NAALADL2: variants seen among roughly 807,000 people sequenced by gnomAD.
NAALADL2 encodes N-acetylated alpha-linked acidic dipeptidase like 2.
NAALADL2 carries 76 observed loss-of-function variants against 87.2 expected under a neutral mutation model. That is an observed-to-expected ratio of 0.87 (90% confidence interval 0.72 to 1.05). The LOEUF (loss-of-function observed/expected upper bound fraction) is 1.05. Among genes scored for constraint, NAALADL2 ranks in the 50% least tolerant of loss-of-function variants. The pLI, the probability that NAALADL2 is intolerant of heterozygous loss-of-function variation, is 0.00. For missense variants in NAALADL2, 1,089 were observed against 945.8 expected (o/e 1.15, Z -1.99); for synonymous variants, 354 against 331.0 (o/e 1.07, Z -0.75).
chr3:174,833,475 C>T (rs1436389460), intron 3 of NAALADL2, among the ~76,000 whole-genome samples: 1 of 152,004 alleles, frequency 6.6e-6, no homozygotes, highest in Non-Finnish European at 1.5e-5. Context: ...TAGTATCATA[C>T]ATTTAAGGAT....
intron 3 of NAALADL2, among the ~76,000 whole-genome samples, chr3:174,804,850 T>C (rs1166273641): frequency 1.3e-5 from 2 of 152,204 alleles, no homozygotes; most frequent in East Asian, 1.9e-4. Flanking sequence ...TGTATTAATA[T>C]ATTTATTAGT....
intron 4 of NAALADL2, among the ~76,000 whole-genome samples, chr3:175,261,949 T>C (rs546182346): frequency 1.2e-4 from 18 of 152,038 alleles, no homozygotes; most frequent in African/African-American, 3.4e-4. Context: ...AAATGAGAGA[T>C]AGGAAATGAG....
At chr3:174,963,953 A>C (rs765024978) in intron 1 of NAALADL2, among the ~76,000 whole-genome samples, 3 of 152,106 alleles carry the variant, frequency 2.0e-5, no homozygotes, top group Non-Finnish European at 2.9e-5. Flanking sequence ...GAAGGTCAAA[A>C]TTATCATAAG....
chr3:174,882,475 A>ATGTATAGATATG (rs1729331094), intron 1 of NAALADL2, among the ~76,000 whole-genome samples: 1 of 150,960 alleles, frequency 6.6e-6, no homozygotes, highest in African/African-American at 2.4e-5. Flanking sequence ...ACATATGTGT[A>ATGTATAGATATG]TGCATACATA....
chr3:175,161,477 T>C (rs1403875543), intron 2 of NAALADL2, among the ~76,000 whole-genome samples: 1 of 152,132 alleles, frequency 6.6e-6, no homozygotes, highest in African/African-American at 2.4e-5. Context: ...AATAGCTCCA[T>C]GTTGTTGCAC....
intron 2 of NAALADL2, among the ~76,000 whole-genome samples, chr3:174,680,455 A>C (rs1727432122): frequency 6.6e-6 from 1 of 152,194 alleles, no homozygotes; most frequent in East Asian, 1.9e-4. Flanking sequence ...CCCACATAGA[A>C]TGGCACTACT....
At chr3:175,699,862 C>T (rs1738743184) in intron 11 of NAALADL2, among the ~76,000 whole-genome samples, 1 of 151,962 alleles carries the variant, frequency 6.6e-6, no homozygotes, top group Admixed American at 6.6e-5. Context: ...TACTAAGTTT[C>T]AAGACATTTT....
chr3:175,213,520 G>A (rs982230403), intron 2 of NAALADL2, among the ~76,000 whole-genome samples: 1 of 152,056 alleles, frequency 6.6e-6, no homozygotes. Flanking sequence ...CACAGCTTTT[G>A]AAGGCATGGA....
intron 1 of NAALADL2, among the ~76,000 whole-genome samples, chr3:174,867,217 C>G (rs2109580980): frequency 6.6e-6 from 1 of 151,966 alleles, no homozygotes; most frequent in Middle Eastern, 3.4e-3. Context: ...ACTTACTAAG[C>G]TTATTTGACT....
At chr3:174,866,610 G>A (rs900353601) in intron 1 of NAALADL2, among the ~76,000 whole-genome samples, 2 of 151,560 alleles carry the variant, frequency 1.3e-5, no homozygotes, top group African/African-American at 4.8e-5. Context: ...ATTTTATATA[G>A]GTGTTTTGCA....
At position 174,898,112 on chromosome 3, in the gene NAALADL2, C is replaced by CAAAAA. The variant is rs913382744; in HGVS notation, c.43+38689_43+38693dup. Among the ~76,000 whole-genome samples the CAAAAA allele has an allele frequency of 8.6e-3, 125 of 14,492 alleles. 16 individuals are homozygous for CAAAAA. The highest frequency in any genetic ancestry group is 0.024 in the African/African-American group (88 of 3,654). The allele number at this position is 14,492 out of a possible 152,430, so 9.5% of individuals were successfully genotyped here. On this transcript the variant is annotated intron_variant, in intron 1 of 13. Transcript: ENST00000454872. ...TGGGTGACAGAGCGAGACTCCGTCT[C>CAAAAA]AAAAAAAAAAAAAAAAAAAAAAAAA...
chr3:175,484,583 GT>G (rs1288942486), intron 9 of NAALADL2, among the ~76,000 whole-genome samples: 1 of 152,028 alleles, frequency 6.6e-6, no homozygotes, highest in Admixed American at 6.6e-5. Context: ...AAATACTATA[GT>G]AGGGAAGCAT....
chr3:175,131,766 A>AG (rs1445678537), intron 2 of NAALADL2, among the ~76,000 whole-genome samples: 1 of 130,292 alleles, frequency 7.7e-6, no homozygotes, highest in Non-Finnish European at 1.6e-5. Flanking sequence ...CTGGCCGGGC[A>AG]GGGGGCTGAC....
intron 9 of NAALADL2, among the ~76,000 whole-genome samples, chr3:175,480,769 G>A (rs1726340013): frequency 6.6e-6 from 1 of 151,736 alleles, no homozygotes; most frequent in African/African-American, 2.4e-5. Flanking sequence ...TAAATAAGGT[G>A]GGCTGCTGCT....
At chr3:174,677,906 A>C (rs1677654576) in intron 2 of NAALADL2, among the ~76,000 whole-genome samples, 1 of 152,118 alleles carries the variant, frequency 6.6e-6, no homozygotes, top group East Asian at 1.9e-4. Flanking sequence ...AATGCAAAAA[A>C]TGTATCAATA....
At chr3:175,648,325 T>C (rs1217171370) in intron 11 of NAALADL2, among the ~76,000 whole-genome samples, 1 of 151,816 alleles carries the variant, frequency 6.6e-6, no homozygotes, top group African/African-American at 2.4e-5. Context: ...ATTTATTAAA[T>C]AATTAAGTTA....
At chr3:175,157,062 T>C (rs1247761288) in intron 2 of NAALADL2, among the ~76,000 whole-genome samples, 1 of 152,092 alleles carries the variant, frequency 6.6e-6, no homozygotes, top group Non-Finnish European at 1.5e-5. Context: ...TCACCTGTCT[T>C]CTTTCAGTCT....
At chr3:175,486,093 C>T (rs945008424) in intron 9 of NAALADL2, among the ~76,000 whole-genome samples, 1 of 125,698 alleles carries the variant, frequency 8.0e-6, no homozygotes, top group Non-Finnish European at 1.7e-5. Flanking sequence ...GCAGCCTGAA[C>T]TGACTAAGAC....
At chr3:174,814,791 G>A (rs1437312715) in intron 3 of NAALADL2, among the ~76,000 whole-genome samples, 2 of 152,076 alleles carry the variant, frequency 1.3e-5, no homozygotes, top group East Asian at 1.9e-4. Context: ...CATATAGCAG[G>A]CCAACTCTTT....
Sources: gnomAD v4.1 joint callset for allele counts (sites outside exome capture counted in the v4.1 genomes callset) on GRCh38, gnomAD v4.1.1 for gene constraint, MANE v1.5 for transcripts, NCBI Gene and HGNC (gene_info 2026-07-23, HGNC 2026-07-21) for gene names.